Variants in CLK3 observed in about 807,000 individuals in gnomAD.
The protein encoded by CLK3 is dual specificity protein kinase CLK3.
CLK3 carries 24 observed loss-of-function variants against 65.2 expected under a neutral mutation model. The ratio of observed to expected loss-of-function variants is 0.37; its 90% CI spans 0.27 to 0.52. CLK3 has a LOEUF of 0.52. Ranked by LOEUF, CLK3 falls within the 20% of genes least tolerant of loss-of-function variation. CLK3 has a pLI of 0.92. For missense variants in CLK3, 506 were observed against 660.0 expected (o/e 0.77, Z 2.56); for synonymous variants, 252 against 240.8 (o/e 1.05, Z -0.43).
rs2062168559 is a variant in CLK3, at chr15:74,629,029, G to A, written c.1293G>A (p.Leu431=). The A allele has an allele frequency of 6.2e-7, 1 of 1,611,968 alleles. No individual in the cohort carries two copies. Among genetic ancestry groups the A allele is most frequent in the East Asian group, 2.2e-5 (1 of 44,876 alleles). The change falls in exon 12 of 13, where the codon CTG becomes CTA. Residue 431 remains leucine, a synonymous_variant. Coordinates refer to ENST00000395066, the MANE Select transcript of CLK3 (RefSeq NM_001130028.2). ...GRYVKENCKP[L]KSYMLQDSLE... ...ATGTGAAGGAGAACTGCAAACCTCT[G>A]AAGGTCAGTTTCTGGCTACCCCCAG...
intron 2 of CLK3, 143 bp from the exon 3 acceptor site, chr15:74,619,866 C>T (rs558390454): frequency 2.2e-6 from 3 of 1,378,030 alleles, no homozygotes; most frequent in African/African-American, 2.9e-5. Context: ...TGCACCCTCC[C>T]CTCTCTGCCC....
In CLK3 at chr15:74,627,566, A is replaced by G. The variant is rs1471272481; in HGVS notation, c.940A>G (p.Thr314Ala). 1 of 1,614,194 alleles carries G rather than the reference A, an allele frequency of 6.2e-7. No homozygotes were observed. The highest frequency in any genetic ancestry group is 1.7e-5 in the Admixed American group (1 of 60,030). The change falls in exon 9 of 13, where the codon ACC (threonine) becomes GCC (alanine). Residue 314 changes from threonine to alanine, a missense_variant. Physicochemically the swap from Thr to Ala is moderately conservative, Grantham distance 58 (BLOSUM62 0). Transcript: ENST00000395066. This position sits in a 1 kb window ranked among gnomAD's most constrained non-coding sequence, Gnocchi z 4.3. ...CTGTGAGGAGAAGTCAGTGAAGAAC[A>G]CCAGCATCCGAGTGGCTGACTTTGG... The part of the protein sequence containing the change: ...KSCEEKSVKN[T>A]SIRVADFGSA...
upstream of CLK3, among the ~76,000 whole-genome samples, chr15:74,612,389 G>A (rs2062000839): frequency 6.6e-6 from 1 of 151,998 alleles, no homozygotes; most frequent in Non-Finnish European, 1.5e-5. Context: ...AAGGTCAGAG[G>A]GTAGACAGGG....
At chr15:74,619,777 C>T (rs1380911472) in intron 2 of CLK3, among the ~76,000 whole-genome samples, 1 of 152,168 alleles carries the variant, frequency 6.6e-6, no homozygotes, top group Admixed American at 6.5e-5. Context: ...TACCATACTC[C>T]CCTTCCCCTG....
At chr15:74,628,094 A>G (rs375091644) in intron 10 of CLK3, 42 bp downstream of exon 10, 11 of 1,382,080 alleles carry the variant, frequency 8.0e-6, no homozygotes, top group Admixed American at 3.4e-5. Flanking sequence ...GAGTACTGCT[A>G]CTGTGATAGG....
upstream of CLK3, chr15:74,615,131 C>A (rs1409066660): frequency 3.2e-6 from 1 of 317,050 alleles, no homozygotes. Flanking sequence ...ACGCAGCCGG[C>A]GGGGCTTTTG....
rs893250810 is a variant in CLK3, at chr15:74,627,114, G to T, written c.818-238G>T. 1 of 605,854 alleles carries T rather than the reference G, an allele frequency of 1.7e-6. No individual in the cohort carries two copies. Among genetic ancestry groups the T allele is most frequent in the African/African-American group, 1.8e-5 (1 of 54,862 alleles). The allele number at this position is 605,854 out of a possible 1,614,324, so 37.5% of individuals were successfully genotyped here. On this transcript the variant is annotated intron_variant, in intron 7 of 12. Coordinates refer to ENST00000395066, the MANE Select transcript of CLK3 (RefSeq NM_001130028.2). The surrounding 1 kb of genome is among the most constrained non-coding windows in gnomAD (Gnocchi z 4.3). ...GAGGAGAGGTGGAGGGAGGTTTTTC[G>T]AATGGCAAATTTCTTTCCTACCCCC...
chr15:74,625,101 C>A, intron 6 of CLK3, 83 bp downstream of exon 6: 1 of 948,946 alleles, frequency 1.1e-6, no homozygotes, highest in Non-Finnish European at 1.7e-6. Flanking sequence ...CTTCACCCAT[C>A]CGCACTGTGC....
intron 1 of CLK3, among the ~76,000 whole-genome samples, chr15:74,609,656 AG>A (rs934070566): frequency 5.3e-5 from 8 of 152,222 alleles, no homozygotes; most frequent in Non-Finnish European, 1.2e-4. Context: ...GAGCCTGGGC[AG>A]GGGTCTCAGC....
upstream of CLK3, among the ~76,000 whole-genome samples, chr15:74,612,262 T>C (rs928675330): frequency 1.3e-5 from 2 of 152,202 alleles, no homozygotes; most frequent in Non-Finnish European, 2.9e-5. Flanking sequence ...AGTTTAGCTA[T>C]GATGTGGGGG....
At chr15:74,615,389 C>A, upstream of CLK3, 1 of 1,220,202 alleles carries the variant, frequency 8.2e-7, no homozygotes, top group Non-Finnish European at 1.0e-6. Flanking sequence ...GGAGTCGCGT[C>A]CGCCTTCCCG....
chr15:74,627,190 G>A lies in CLK3; in HGVS notation c.818-162G>A. 6 of 731,120 alleles carry A rather than the reference G, an allele frequency of 8.2e-6. No individual in the cohort carries two copies. 45.3% of individuals were successfully genotyped at this position (731,120 alleles called of 1,614,324 possible). On this transcript the variant is annotated intron_variant, in intron 7 of 12. Transcript: ENST00000395066. The surrounding 1 kb of genome is among the most constrained non-coding windows in gnomAD (Gnocchi z 4.3). ...GGCCTCAAGTACAGAGAACCCTTGAGAGGGAGGCCAGCACAGAGGCAGGCT... is the reference window on the plus strand; with the variant it reads ...GGCCTCAAGTACAGAGAACCCTTGAAAGGGAGGCCAGCACAGAGGCAGGCT...
chr15:74,626,924 C>T (rs747112464), intron 7 of CLK3: 9 of 453,870 alleles, frequency 2.0e-5, no homozygotes, highest in Non-Finnish European at 3.5e-5. Flanking sequence ...ATTTAATGTC[C>T]TTTTGCCACC....
intron 1 of CLK3, among the ~76,000 whole-genome samples, chr15:74,608,947 C>T (rs1053688279): frequency 3.3e-5 from 5 of 152,194 alleles, no homozygotes; most frequent in Admixed American, 1.3e-4. Context: ...ACTCTTGGCC[C>T]GGGGCCACAC....
chr15:74,619,444 A>C, intron 2 of CLK3, 96 bp downstream of exon 2: 1 of 1,393,344 alleles, frequency 7.2e-7, no homozygotes, highest in South Asian at 1.3e-5. Flanking sequence ...ATCCCTGCCC[A>C]GCTGTCCCTG....
At chr15:74,611,252 G>A (rs558925953), upstream of CLK3, among the ~76,000 whole-genome samples, 1 of 152,324 alleles carries the variant, frequency 6.6e-6, no homozygotes, top group South Asian at 2.1e-4. Flanking sequence ...GGGTGCCCCA[G>A]ACCCCGGAAA....
In CLK3 at chr15:74,622,054, A is replaced by G; in HGVS notation, c.370-66A>G. 3 of 1,482,880 alleles carry G rather than the reference A, an allele frequency of 2.0e-6. No individual in the cohort carries two copies. Among genetic ancestry groups the G allele is most frequent in the South Asian group, 1.1e-5 (1 of 87,946 alleles). 91.9% of individuals were successfully genotyped at this position (1,482,880 alleles called of 1,614,324 possible). A position where few individuals can be genotyped will look rare whatever the true frequency, so the allele number is the denominator to read the frequency against. On this transcript the variant is annotated intron_variant, in intron 3 of 12. Coordinates refer to ENST00000395066, the MANE Select transcript of CLK3 (RefSeq NM_001130028.2). This position sits in a 1 kb window ranked among gnomAD's most constrained non-coding sequence, Gnocchi z 4.6. ...ACCTCTGCCTTTGACTGACACCTCAATCTGTCAATCGGAACCGCCTACCAT... is the reference window on the plus strand; with the variant it reads ...ACCTCTGCCTTTGACTGACACCTCAGTCTGTCAATCGGAACCGCCTACCAT...
intron 1 of CLK3, chr15:74,608,786 A>G (rs1004545922): frequency 4.5e-4 from 68 of 152,346 alleles, no homozygotes; most frequent in African/African-American, 1.5e-3. Flanking sequence ...TTCCGGGTTT[A>G]GGGCTCTGGG....
chr15:74,627,663 T>C lies in CLK3; in HGVS notation c.1037T>C (p.Ile346Thr). Residue 346 changes from isoleucine to threonine, a missense_variant, in exon 9 of 13, where the codon ATC becomes ACC. By Grantham distance (89) the Ile-to-Thr change is moderately conservative. Transcript: ENST00000395066. The surrounding 1 kb of genome is among the most constrained non-coding windows in gnomAD (Gnocchi z 4.3). ...ATRHYRPPEV[I>T]LELGWAQPCD... is the part of the protein sequence containing the mutation. ...CGTCACTATCGCCCGCCTGAGGTGA[T>C]CCTTGGTGAGTGACTGTATGGCCTG... 6.2e-7 allele frequency: 1 copy of C among 1,613,600 alleles called. No homozygotes were observed. The highest frequency in any genetic ancestry group is 2.2e-5 in the East Asian group (1 of 44,888).
Sources: gnomAD v4.1 joint callset for allele counts (sites outside exome capture counted in the v4.1 genomes callset) on GRCh38, gnomAD v4.1.1 for gene constraint, Gnocchi (gnomAD v3.1) non-coding constraint, MANE v1.5 for transcripts, NCBI Gene and HGNC (gene_info 2026-07-23, HGNC 2026-07-21) for gene names.